The following PXDNL variants were observed in gnomAD, a reference collection of about 807,000 sequenced individuals.
PXDNL encodes the protein peroxidasin like.
Under a neutral mutation model 150.8 loss-of-function variants are expected in PXDNL, and 145 were observed. The ratio of observed to expected loss-of-function variants is 0.96; its 90% CI spans 0.84 to 1.10. The LOEUF (loss-of-function observed/expected upper bound fraction) is 1.10, where lower values mean the gene tolerates loss of function less well. Ranked by LOEUF, PXDNL falls within the 50% of genes least tolerant of loss-of-function variation. The probability of loss-of-function intolerance (pLI) is 0.00; values close to 1 mark genes in which losing one functional copy is unlikely to be tolerated. For missense variants in PXDNL, 2,087 were observed against 1,873.9 expected (o/e 1.11, Z -2.10); for synonymous variants, 757 against 725.7 (o/e 1.04, Z -0.69).
intron 4 of PXDNL, among the ~76,000 whole-genome samples, chr8:51,543,166 T>A (rs1812259511): frequency 6.6e-6 from 1 of 152,202 alleles, no homozygotes; most frequent in South Asian, 2.1e-4. Context: ...AAAGTGGAAT[T>A]CTCAAGATCA....
chr8:51,659,131 TTA>T (rs1403277550), intron 1 of PXDNL, among the ~76,000 whole-genome samples: 2 of 152,214 alleles, frequency 1.3e-5, no homozygotes, highest in African/African-American at 4.8e-5. Context: ...AGAGTGGAAA[TTA>T]AGTTATTATA....
chr8:51,461,566 C>A (rs1018814546), intron 8 of PXDNL, among the ~76,000 whole-genome samples: 2 of 152,250 alleles, frequency 1.3e-5, no homozygotes, highest in Non-Finnish European at 2.9e-5. Context: ...AACAACTCCA[C>A]CATGCCTGGG....
intron 1 of PXDNL, among the ~76,000 whole-genome samples, chr8:51,772,258 A>C (rs1443324740): frequency 6.6e-6 from 1 of 151,258 alleles, no homozygotes; most frequent in Non-Finnish European, 1.5e-5. Context: ...ACACACACAC[A>C]CACACATATA....
chr8:51,779,416 C>T (rs1214200799), intron 1 of PXDNL, among the ~76,000 whole-genome samples: 3 of 152,128 alleles, frequency 2.0e-5, no homozygotes, highest in Non-Finnish European at 4.4e-5. Flanking sequence ...TCCCAGATGT[C>T]GGGAACCCCT....
chr8:51,497,673 T>TA (rs1458805859), intron 5 of PXDNL, among the ~76,000 whole-genome samples: 1 of 152,066 alleles, frequency 6.6e-6, no homozygotes, highest in African/African-American at 2.4e-5. Flanking sequence ...AACAGACACT[T>TA]AAAAAAATGC....
chr8:51,694,184 C>G (rs967398165), intron 1 of PXDNL, among the ~76,000 whole-genome samples: 2 of 152,034 alleles, frequency 1.3e-5, no homozygotes, highest in African/African-American at 2.4e-5. Flanking sequence ...ATGGTGAAAC[C>G]CTGTTTCTGC....
chr8:51,794,319 A>C lies in PXDNL; in HGVS notation c.164+14862T>G, dbSNP rs1477438319. Reference sequence around the variant, plus strand: ...AAATTCAGGAAATCCAGAGAACCCCAGTAAGATCCTCCATGAGAAGATCAA... The same window carrying C: ...AAATTCAGGAAATCCAGAGAACCCCCGTAAGATCCTCCATGAGAAGATCAA... On this transcript the variant is annotated intron_variant, in intron 1 of 22. Transcript: ENST00000356297. Among the ~76,000 whole-genome samples the C allele has an allele frequency of 2.0e-5, 3 of 152,192 alleles. No homozygotes were observed. The South Asian group carries it at 6.2e-4, about 31-fold the overall frequency.
intron 8 of PXDNL, among the ~76,000 whole-genome samples, chr8:51,463,433 A>T (rs1810127856): frequency 6.6e-6 from 1 of 152,188 alleles, no homozygotes; most frequent in Admixed American, 6.5e-5. Context: ...ATGGAGAAAG[A>T]TTTCTCATGT....
intron 1 of PXDNL, among the ~76,000 whole-genome samples, chr8:51,771,452 C>G (rs1014448184): frequency 6.6e-6 from 1 of 152,148 alleles, no homozygotes; most frequent in Non-Finnish European, 1.5e-5. Context: ...TCACATGGCC[C>G]GCGGTGACAC....
intron 14 of PXDNL, among the ~76,000 whole-genome samples, chr8:51,422,158 G>A (rs1224824856): frequency 6.6e-6 from 1 of 152,004 alleles, no homozygotes. Flanking sequence ...CCCCAGATGG[G>A]ACCATCTAGT....
At chr8:51,629,099 A>G (rs888344721) in intron 2 of PXDNL, among the ~76,000 whole-genome samples, 2 of 152,288 alleles carry the variant, frequency 1.3e-5, no homozygotes, top group East Asian at 3.9e-4. Context: ...TGTCTTAAAT[A>G]TGCTTTAAAA....
intron 2 of PXDNL, among the ~76,000 whole-genome samples, chr8:51,608,049 GAA>G (rs1251490749): frequency 7.6e-6 from 1 of 132,184 alleles, no homozygotes; most frequent in East Asian, 2.1e-4. Context: ...AAGAAAGAAA[GAA>G]AGAAAGCAAG....
At chr8:51,752,997 C>T (rs920047780) in intron 1 of PXDNL, among the ~76,000 whole-genome samples, 41 of 152,322 alleles carry the variant, frequency 2.7e-4, no homozygotes, top group African/African-American at 9.1e-4. Flanking sequence ...GGCTTCGTGG[C>T]GACTGCCAAC....
chr8:51,346,667 G>C (rs1415740561), intron 19 of PXDNL, among the ~76,000 whole-genome samples: 1 of 152,130 alleles, frequency 6.6e-6, no homozygotes, highest in East Asian at 1.9e-4. Context: ...GCCATAGTGA[G>C]TGAGTTCTTG....
At chr8:51,774,090 T>C (rs2037327124) in intron 1 of PXDNL, among the ~76,000 whole-genome samples, 1 of 152,228 alleles carries the variant, frequency 6.6e-6, no homozygotes, top group Non-Finnish European at 1.5e-5. Flanking sequence ...TCAGTCTAAT[T>C]TAGAAGAAAG....
At chr8:51,506,091 A>G (rs1444933563) in intron 4 of PXDNL, among the ~76,000 whole-genome samples, 1 of 152,256 alleles carries the variant, frequency 6.6e-6, no homozygotes, top group Non-Finnish European at 1.5e-5. Context: ...GCTTTCCAGC[A>G]TCTCATTTGC....
intron 4 of PXDNL, among the ~76,000 whole-genome samples, chr8:51,518,529 G>A (rs147869951): frequency 4.9e-4 from 75 of 152,314 alleles, no homozygotes; most frequent in Middle Eastern, 3.4e-3. Flanking sequence ...CAGGTAAGAT[G>A]TTAATGTAAT....
At chr8:51,754,705 G>A (rs1389846496) in intron 1 of PXDNL, among the ~76,000 whole-genome samples, 1 of 152,088 alleles carries the variant, frequency 6.6e-6, no homozygotes, top group South Asian at 2.1e-4. Context: ...CGGTTTCACC[G>A]TGTTAGGTAG....
chr8:51,691,911 C>A (rs576658665), intron 1 of PXDNL, among the ~76,000 whole-genome samples: 2 of 152,308 alleles, frequency 1.3e-5, no homozygotes, highest in African/African-American at 4.8e-5. Context: ...CTTAGGTGAT[C>A]TAACTAAGCA....
Sources: gnomAD v4.1 joint callset for allele counts (sites outside exome capture counted in the v4.1 genomes callset) on GRCh38, gnomAD v4.1.1 for gene constraint, MANE v1.5 for transcripts, NCBI Gene and HGNC (gene_info 2026-07-23, HGNC 2026-07-21) for gene names.